The following SLC27A6 variants were observed in gnomAD, a reference collection of about 807,000 sequenced individuals.
SLC27A6 encodes solute carrier family 27 member 6.
In SLC27A6, 74 loss-of-function variants were observed where a neutral mutation model predicts 63.9. The ratio of observed to expected loss-of-function variants is 1.16; its 90% CI spans 0.96 to 1.40. The LOEUF is 1.40. SLC27A6 is among the 40% of genes most tolerant of loss of function. The pLI, the probability that SLC27A6 is intolerant of heterozygous loss-of-function variation, is 0.00. For missense variants in SLC27A6, 794 were observed against 732.9 expected, an observed-to-expected ratio of 1.08 and a Z score of -0.96; for synonymous variants, 287 against 260.8, an observed-to-expected ratio of 1.10 and a Z score of -0.97.
chr5:129,020,215 A>T (rs947299502), intron 5 of SLC27A6, among the ~76,000 whole-genome samples: 1 of 152,192 alleles, frequency 6.6e-6, no homozygotes, highest in Non-Finnish European at 1.5e-5. Context: ...TATCAAGTCA[A>T]CAAAGAGGTT....
At chr5:129,001,756 A>C (rs1751342091) in intron 4 of SLC27A6, among the ~76,000 whole-genome samples, 1 of 152,200 alleles carries the variant, frequency 6.6e-6, no homozygotes, top group African/African-American at 2.4e-5. Context: ...AGAGCTTGAG[A>C]GGTTCACTTT....
chr5:129,003,291 C>T (rs4835964), intron 4 of SLC27A6, among the ~76,000 whole-genome samples: 2 of 146,898 alleles, frequency 1.4e-5, no homozygotes, highest in South Asian at 4.4e-4. Flanking sequence ...ACTTTATTCC[C>T]GTGAACTGTT....
chr5:128,970,080 G>C (rs187218648), intron 1 of SLC27A6, among the ~76,000 whole-genome samples: 24,790 of 133,198 alleles, frequency 0.19, 3,105 homozygotes, highest in Middle Eastern at 0.28. Flanking sequence ...TGATTTGCAT[G>C]TGCTGAACAA....
chr5:128,974,214 T>C (rs1750294679), intron 1 of SLC27A6, among the ~76,000 whole-genome samples: 1 of 152,254 alleles, frequency 6.6e-6, no homozygotes, highest in Non-Finnish European at 1.5e-5. Context: ...GCAGTTTTAC[T>C]TGTGCCAGCT....
rs191411601 is a variant in SLC27A6 at position 129,027,091 on chromosome 5, G to A, written c.1256-42G>A. The A allele has an allele frequency of 5.9e-6, 9 of 1,525,892 alleles. No homozygotes were observed. The East Asian group carries it at 1.8e-4, about 31-fold the overall frequency. The allele number at this position is 1,525,892 out of a possible 1,614,324, so 94.5% of individuals were successfully genotyped here. On this transcript the variant is annotated intron_variant, in intron 6 of 9. Coordinates refer to ENST00000262462, the MANE Select transcript of SLC27A6 (RefSeq NM_001017372.3). The stretch of plus-strand genomic sequence containing the variant: ...TACATTCATGGTGTGTGTAACAATA[G>A]TTTTAATCAGATGGCTGCAAAAATG...
chr5:129,008,055 A>T (rs566767410), intron 4 of SLC27A6, among the ~76,000 whole-genome samples: 24 of 152,132 alleles, frequency 1.6e-4, no homozygotes, highest in Middle Eastern at 3.4e-3. Context: ...TAGTGAGATT[A>T]TATATTATTT....
Position 128,978,119 on chromosome 5 carries a change from C to T in SLC27A6, c.482-7014C>T, listed in dbSNP as rs565776627. ...ACTTCTGCAAGTATTTTTGAGTCTTCAGACTGTGTGGGAAGGAAATAATAG... is the reference window on the plus strand; with the variant it reads ...ACTTCTGCAAGTATTTTTGAGTCTTTAGACTGTGTGGGAAGGAAATAATAG... On this transcript the variant is annotated intron_variant, in intron 1 of 9. Coordinates refer to ENST00000262462, the MANE Select transcript of SLC27A6 (RefSeq NM_001017372.3). Among the ~76,000 whole-genome samples, 7 of 152,268 alleles carry T rather than the reference C, an allele frequency of 4.6e-5. No individual in the cohort carries two copies. In the East Asian group the frequency reaches 1.2e-3, roughly 25 times the overall value.
intron 5 of SLC27A6, 69 bp downstream of exon 5, chr5:129,016,148 T>TG: frequency 8.0e-6 from 9 of 1,126,490 alleles, no homozygotes; most frequent in Non-Finnish European, 1.1e-5. Context: ...ATCCCAACAC[T>TG]TTGGGACGCC....
chr5:128,972,721 T>A (rs1171436994), intron 1 of SLC27A6, among the ~76,000 whole-genome samples: 1 of 152,190 alleles, frequency 6.6e-6, no homozygotes, highest in African/African-American at 2.4e-5. Flanking sequence ...ACATCCCCCT[T>A]TAGCTCGGAG....
At chr5:128,975,297 G>A (rs1750337971) in intron 1 of SLC27A6, among the ~76,000 whole-genome samples, 3 of 152,252 alleles carry the variant, frequency 2.0e-5, no homozygotes, top group African/African-American at 2.4e-5. Flanking sequence ...ATTACAGTGA[G>A]CTGAGATCGT....
At chr5:129,009,453 A>C (rs1751650217) in intron 4 of SLC27A6, among the ~76,000 whole-genome samples, 1 of 152,178 alleles carries the variant, frequency 6.6e-6, no homozygotes. Flanking sequence ...AAATTATGAT[A>C]GTTTAAAAAT....
intron 1 of SLC27A6, among the ~76,000 whole-genome samples, chr5:128,973,336 A>G (rs371074705): frequency 1.3e-5 from 2 of 152,218 alleles, no homozygotes; most frequent in Non-Finnish European, 2.9e-5. Flanking sequence ...AGTCTGCAGA[A>G]GTGTCTGCTG....
intron 1 of SLC27A6, among the ~76,000 whole-genome samples, chr5:128,984,119 G>C (rs1750705626): frequency 6.6e-6 from 1 of 152,162 alleles, no homozygotes; most frequent in South Asian, 2.1e-4. Flanking sequence ...CTTCATGTCA[G>C]AGATCCATGC....
chr5:128,969,834 C>T (rs1750068477), intron 1 of SLC27A6, among the ~76,000 whole-genome samples: 1 of 152,162 alleles, frequency 6.6e-6, no homozygotes, highest in South Asian at 2.1e-4. Context: ...GCATCCCTGT[C>T]TTGTGCCAGT....
intron 9 of SLC27A6, among the ~76,000 whole-genome samples, chr5:129,030,951 G>A (rs912282259): frequency 6.6e-6 from 1 of 151,842 alleles, no homozygotes; most frequent in African/African-American, 2.4e-5. Context: ...CAACCATAGC[G>A]AGCTCCCTCT....
At position 128,966,046 on chromosome 5, in the gene SLC27A6, A is replaced by G; in HGVS notation, c.-92A>G. The G allele has an allele frequency of 6.9e-7, 1 of 1,444,010 alleles. No homozygotes were observed. 89.4% of individuals were successfully genotyped at this position (1,444,010 alleles called of 1,614,324 possible). A position where few individuals can be genotyped will look rare whatever the true frequency, so the allele number is the denominator to read the frequency against. On this transcript the variant is annotated 5_prime_UTR_variant, in exon 1 of 10. Transcript: ENST00000262462. ...CTTCAGGTGTAAGCCCTGAGTAGTG[A>G]GGATCTGCGGTCTCCGTGGAGAGCT...
chr5:128,966,185 G>T lies in SLC27A6; in HGVS notation c.48G>T (p.Leu16=). Residue 16 remains leucine (L), a synonymous_variant, in exon 1 of 10, where the codon CTG becomes CTT. Coordinates refer to ENST00000262462, the MANE Select transcript of SLC27A6 (RefSeq NM_001017372.3). The stretch of plus-strand genomic sequence containing the variant: ...TTCTAGGGGCTGGAATGGTCGTCCT[G>T]CACTTCTTGCAGAAACTCCTGTTCC... The part of the protein sequence containing the change: ...LTVLGAGMVV[L]HFLQKLLFPY... 1.9e-6 allele frequency: 3 copies of T among 1,589,598 alleles called. No individual in the cohort carries two copies. The highest frequency in any genetic ancestry group is 1.2e-5 in the South Asian group (1 of 85,978).
intron 5 of SLC27A6, among the ~76,000 whole-genome samples, chr5:129,021,620 A>C (rs1370119917): frequency 1.3e-5 from 2 of 152,140 alleles, no homozygotes. Context: ...ACATACATAA[A>C]CATGTACATT....
At chr5:128,995,724 A>T (rs532720881) in intron 4 of SLC27A6, among the ~76,000 whole-genome samples, 24 of 152,320 alleles carry the variant, frequency 1.6e-4, no homozygotes, top group Admixed American at 1.3e-3. Context: ...GAAGAGAAGG[A>T]GGGTATGCTG....
Sources: gnomAD v4.1 joint callset for allele counts (sites outside exome capture counted in the v4.1 genomes callset) on GRCh38, gnomAD v4.1.1 for gene constraint, MANE v1.5 for transcripts, NCBI Gene and HGNC (gene_info 2026-07-23, HGNC 2026-07-21) for gene names.